Variants in KDM2B observed in about 807,000 individuals in gnomAD.
KDM2B encodes lysine demethylase 2B.
In KDM2B, 26 loss-of-function variants were observed where a neutral mutation model predicts 150.0. The ratio of observed to expected loss-of-function variants is 0.17; its 90% CI spans 0.13 to 0.24. The LOEUF (loss-of-function observed/expected upper bound fraction) is 0.24. KDM2B is among the 10% of genes least tolerant of loss of function. The probability of loss-of-function intolerance (pLI) is 1.00; values close to 1 mark genes in which losing one functional copy is unlikely to be tolerated. For missense variants in KDM2B, 1,265 were observed against 1,816.9 expected (o/e 0.70, Z 5.52); for synonymous variants, 734 against 729.5 (o/e 1.01, Z -0.10).
the KDM2B span, among the ~76,000 whole-genome samples, chr12:121,408,766 G>A: frequency 6.6e-6 from 1 of 152,164 alleles, no homozygotes; most frequent in Admixed American, 6.5e-5. Context: ...GATAGACCCA[G>A]AAATCACTGA....
intron 4 of KDM2B, among the ~76,000 whole-genome samples, chr12:121,563,277 T>G (rs1387829536): frequency 1.3e-5 from 2 of 151,920 alleles, no homozygotes; most frequent in Non-Finnish European, 2.9e-5. Flanking sequence ...ATTGTGCCAC[T>G]GCCTGGGCGA....
At chr12:121,556,527 G>C (rs1555312755) in intron 4 of KDM2B, among the ~76,000 whole-genome samples, 1 of 152,120 alleles carries the variant, frequency 6.6e-6, no homozygotes, top group Non-Finnish European at 1.5e-5. Flanking sequence ...ACAGCCTGCA[G>C]AGCTGAATCA....
At chr12:121,415,356 C>G in the KDM2B span, 1 of 358,258 alleles carries the variant, frequency 2.8e-6, no homozygotes, top group Non-Finnish European at 6.0e-6. Context: ...CATAGTGGCT[C>G]ACACTTGTAA....
At chr12:121,578,494 C>T (rs1274092945) in intron 2 of KDM2B, among the ~76,000 whole-genome samples, 1 of 151,984 alleles carries the variant, frequency 6.6e-6, no homozygotes, top group Non-Finnish European at 1.5e-5. Context: ...GAGGACGCGG[C>T]GCTCCCGCCC....
At chr12:121,500,652 C>T (rs1884451893) in intron 11 of KDM2B, among the ~76,000 whole-genome samples, 1 of 152,234 alleles carries the variant, frequency 6.6e-6, no homozygotes, top group African/African-American at 2.4e-5. Flanking sequence ...GGAACTCCTG[C>T]TCTGGGGAAC....
intron 11 of KDM2B, among the ~76,000 whole-genome samples, chr12:121,496,174 G>C (rs1310943564): frequency 6.6e-6 from 1 of 151,938 alleles, no homozygotes; most frequent in Non-Finnish European, 1.5e-5. Flanking sequence ...TCTGGCACCA[G>C]ACTTTCTGCC....
At chr12:121,538,484 T>TCA (rs1204678648) in intron 6 of KDM2B, among the ~76,000 whole-genome samples, 2 of 152,162 alleles carry the variant, frequency 1.3e-5, no homozygotes, top group Non-Finnish European at 2.9e-5. Flanking sequence ...AACAGCATCC[T>TCA]CACTGCTCGG....
At chr12:121,536,496 C>T (rs115994852) in intron 6 of KDM2B, among the ~76,000 whole-genome samples, 2,077 of 152,278 alleles carry the variant, frequency 0.014, 45 homozygotes, top group African/African-American at 0.047. Context: ...CTGGGCCCAG[C>T]GGGGTCCCCG....
intron 2 of KDM2B, among the ~76,000 whole-genome samples, chr12:121,578,560 T>C (rs1891687663): frequency 6.6e-6 from 1 of 151,956 alleles, no homozygotes; most frequent in Non-Finnish European, 1.5e-5. Context: ...CCCCTGGCTC[T>C]GCCCACCCTG....
At chr12:121,499,273 C>A (rs890835904) in intron 11 of KDM2B, among the ~76,000 whole-genome samples, 3 of 151,304 alleles carry the variant, frequency 2.0e-5, no homozygotes, top group Non-Finnish European at 4.4e-5. Context: ...CCATGCCCAG[C>A]TAATTTTTGT....
chr12:121,433,823 C>T (rs1401640857), intron 22 of KDM2B, among the ~76,000 whole-genome samples: 3 of 152,068 alleles, frequency 2.0e-5, no homozygotes, highest in African/African-American at 7.3e-5. Flanking sequence ...GGTGGAAAAC[C>T]ACTTGAACCC....
At chr12:121,434,450 C>T (rs887177754) in intron 22 of KDM2B, among the ~76,000 whole-genome samples, 2 of 142,772 alleles carry the variant, frequency 1.4e-5, no homozygotes, top group East Asian at 2.1e-4. Flanking sequence ...GAGCCAAGAT[C>T]GTGCCACTGC....
intron 9 of KDM2B, chr12:121,516,953 C>T: frequency 1.6e-6 from 1 of 630,146 alleles, no homozygotes; most frequent in Non-Finnish European, 2.8e-6. Flanking sequence ...TTTGCAATTT[C>T]CAAATAGATT....
At chr12:121,502,760 CAAAA>C (rs3080029) in intron 11 of KDM2B, among the ~76,000 whole-genome samples, 16 of 45,182 alleles carry the variant, frequency 3.5e-4, no homozygotes, top group Non-Finnish European at 5.0e-5. Context: ...CCATCTCTAC[CAAAA>C]AAAAAAAAAA....
chr12:121,530,949 TAG>T (rs1323088279), intron 8 of KDM2B, among the ~76,000 whole-genome samples: 1 of 151,974 alleles, frequency 6.6e-6, no homozygotes, highest in Non-Finnish European at 1.5e-5. Flanking sequence ...ACCACCATTG[TAG>T]AGAGAGCTGA....
Position 121,574,579 on chromosome 12 carries a change from T to C in KDM2B, c.365A>G (p.Asp122Gly). The stretch of plus-strand genomic sequence containing the variant: ...GAGTTTGACGTCTCGGACTGTGAAA[T>C]CAGGGTCAGGCATCCTGGGGAAAGA... ...DGLGIKMPDP[D>G]FTVRDVKLLV... Residue 122 changes from aspartate to glycine, a missense_variant, in exon 4 of 23, where the codon GAT becomes GGT. This residue lies in a region of KDM2B where 214 missense variants were observed against 447.4 expected (regional missense o/e 0.48). Coordinates refer to ENST00000377071, the MANE Select transcript of KDM2B (RefSeq NM_032590.5). 1 of 1,613,948 alleles carries C rather than the reference T, an allele frequency of 6.2e-7. No individual in the cohort carries two copies. Among genetic ancestry groups the C allele is most frequent in the Non-Finnish European group, 8.5e-7 (1 of 1,179,930 alleles).
At position 121,521,188 on chromosome 12, in the gene KDM2B, T is replaced by A; in HGVS notation, c.932-88A>T. ...AGGCTGCAGGGAGGGAGAGCGAGCG[T>A]GCAGGAGGGTGCAGGGAGTGGAGAA... On this transcript the variant is annotated intron_variant, in intron 8 of 22. Coordinates refer to ENST00000377071, the MANE Select transcript of KDM2B (RefSeq NM_032590.5). The surrounding 1 kb of genome is among the most constrained non-coding windows in gnomAD (Gnocchi z 4.9). 2 of 840,680 alleles carry A rather than the reference T, an allele frequency of 2.4e-6. No homozygotes were observed. Among genetic ancestry groups the A allele is most frequent in the Non-Finnish European group, 3.9e-6 (2 of 507,340 alleles). 52.1% of individuals were successfully genotyped at this position (840,680 alleles called of 1,614,324 possible).
chr12:121,489,142 A>G (rs186968144), intron 12 of KDM2B, among the ~76,000 whole-genome samples: 2 of 150,860 alleles, frequency 1.3e-5, no homozygotes, highest in Admixed American at 1.3e-4. Context: ...ATGGTGTTTC[A>G]CCATGTTGGC....
chr12:121,422,249 G>A, the KDM2B span, among the ~76,000 whole-genome samples: 1 of 152,160 alleles, frequency 6.6e-6, no homozygotes, highest in Non-Finnish European at 1.5e-5. Flanking sequence ...TCTCTGGCTT[G>A]GGTGGAACAC....
Sources: allele counts gnomAD v4.1 joint callset (sites outside exome capture counted in the v4.1 genomes callset), GRCh38; gene constraint gnomAD v4.1.1; regional missense constraint gnomAD v4.1.1; non-coding constraint Gnocchi (gnomAD v3.1); transcripts MANE v1.5; gene names NCBI Gene and HGNC (gene_info 2026-07-23, HGNC 2026-07-21).